ADGRL2: variants seen among roughly 807,000 people sequenced by gnomAD.
ADGRL2 encodes the protein calcium-independent alpha-latrotoxin receptor 2.
ADGRL2 carries 44 observed loss-of-function variants against 157.4 expected under a neutral mutation model. That is an observed-to-expected ratio of 0.28 (90% CI 0.22 to 0.36). The LOEUF is 0.36. ADGRL2 is among the 10% of genes least tolerant of loss of function. The pLI is 1.00. For synonymous variants in ADGRL2, 585 were observed against 624.7 expected (o/e 0.94, Z 0.95); for missense variants, 1,510 against 1,768.9 (o/e 0.85, Z 2.63).
intron 2 of ADGRL2, among the ~76,000 whole-genome samples, chr1:81,902,859 T>A (rs1295305761): frequency 1.3e-5 from 2 of 152,218 alleles, no homozygotes; most frequent in East Asian, 3.9e-4. Flanking sequence ...GAACTCTGCT[T>A]AGTTTGTCAC....
intron 19 of ADGRL2, among the ~76,000 whole-genome samples, chr1:81,982,870 A>G (rs766980638): frequency 2.0e-5 from 3 of 152,006 alleles, no homozygotes; most frequent in African/African-American, 2.4e-5. Flanking sequence ...TGGATAAAAT[A>G]CCATTTTGAT....
chr1:81,881,885 C>T (rs1174515567), intron 2 of ADGRL2, among the ~76,000 whole-genome samples: 5 of 152,138 alleles, frequency 3.3e-5, no homozygotes. Flanking sequence ...AAGTGGTGCT[C>T]AGTGAATACT....
At chr1:81,775,038 T>C (rs2086521593) in intron 2 of ADGRL2, among the ~76,000 whole-genome samples, 1 of 152,140 alleles carries the variant, frequency 6.6e-6, no homozygotes, top group Non-Finnish European at 1.5e-5. Flanking sequence ...TCTCTTGTAG[T>C]TGTTTTGTGG....
chr1:81,920,802 G>C (rs1025283069), intron 3 of ADGRL2, among the ~76,000 whole-genome samples: 2 of 147,116 alleles, frequency 1.4e-5, no homozygotes, highest in Non-Finnish European at 3.0e-5. Context: ...TCCAACCAAA[G>C]AAAAGTGCTA....
chr1:81,474,520 T>G (rs996937852), intron 2 of ADGRL2, among the ~76,000 whole-genome samples: 2 of 152,168 alleles, frequency 1.3e-5, no homozygotes, highest in African/African-American at 2.4e-5. Context: ...CCTGGACACT[T>G]GTGTTCAGAA....
At chr1:81,810,454 G>A (rs1156826313) in intron 1 of ADGRL2, among the ~76,000 whole-genome samples, 2 of 151,656 alleles carry the variant, frequency 1.3e-5, no homozygotes, top group Admixed American at 6.6e-5. Context: ...TGCATTAAAA[G>A]CCTACCATTT....
At chr1:81,970,581 T>C (rs1658428635) in intron 16 of ADGRL2, 47 bp downstream of exon 16, 1 of 1,443,302 alleles carries the variant, frequency 6.9e-7, no homozygotes, top group Admixed American at 1.7e-5. Context: ...GAATAATTTT[T>C]TAAAGCCTGT....
intron 2 of ADGRL2, among the ~76,000 whole-genome samples, chr1:81,503,797 G>T (rs2078908869): frequency 6.6e-6 from 1 of 152,126 alleles, no homozygotes; most frequent in Admixed American, 6.5e-5. Context: ...TCTGTCAGCC[G>T]ACACAGGGCT....
chr1:81,468,051 C>T (rs1262652569), intron 2 of ADGRL2, among the ~76,000 whole-genome samples: 1 of 151,988 alleles, frequency 6.6e-6, no homozygotes, highest in African/African-American at 2.4e-5. Flanking sequence ...TAGGGAAATT[C>T]TCAGTATTGA....
rs539312339 is a variant in ADGRL2 at position 81,920,502 on chromosome 1, AT to A, written c.287+13273del. 2.7e-3 allele frequency among the ~76,000 whole-genome samples: 418 copies of A among 152,138 alleles called. 1 individual carries two copies. The highest frequency in any genetic ancestry group is 9.9e-3 in the African/African-American group (410 of 41,508). On this transcript the variant is annotated intron_variant, in intron 3 of 23. Coordinates refer to ENST00000686636, the MANE Select transcript of ADGRL2 (RefSeq NM_001366006.2). ...ACAGGAACTGCCACGGGCTGAAGGG[AT>A]CTTAAACTCTTCTCCCCAGAGGCAG...
chr1:81,501,336 T>C (rs1024471146), intron 2 of ADGRL2, among the ~76,000 whole-genome samples: 2 of 152,184 alleles, frequency 1.3e-5, no homozygotes, highest in African/African-American at 2.4e-5. Context: ...AACTGATCGG[T>C]GTACTATTCT....
chr1:81,805,815 GT>G (rs961434231), intron 1 of ADGRL2, among the ~76,000 whole-genome samples: 1 of 151,214 alleles, frequency 6.6e-6, no homozygotes, highest in Non-Finnish European at 1.5e-5. Context: ...AATGCAGAGT[GT>G]TATAAAGAAA....
chr1:81,856,880 TAA>T (rs996202596), intron 2 of ADGRL2, among the ~76,000 whole-genome samples: 3 of 152,176 alleles, frequency 2.0e-5, no homozygotes, highest in Non-Finnish European at 4.4e-5. Flanking sequence ...CTTTGATCAT[TAA>T]ATAATAAACA....
chr1:81,494,952 G>GAACCATATTTGTGACACAGAT (rs1553170163), intron 2 of ADGRL2, among the ~76,000 whole-genome samples: 2 of 152,056 alleles, frequency 1.3e-5, no homozygotes, highest in Non-Finnish European at 2.9e-5. Flanking sequence ...AACACACAGA[G>GAACCATATTTGTGACACAGAT]AACCATATTT....
intron 1 of ADGRL2, among the ~76,000 whole-genome samples, chr1:81,821,273 A>G (rs771150142): frequency 6.6e-6 from 1 of 152,184 alleles, no homozygotes; most frequent in Non-Finnish European, 1.5e-5. Context: ...GTAACCATCT[A>G]GTTACTTAGC....
intron 3 of ADGRL2, among the ~76,000 whole-genome samples, chr1:81,693,192 G>A (rs754795740): frequency 9.2e-5 from 14 of 152,036 alleles, no homozygotes; most frequent in Non-Finnish European, 1.8e-4. Context: ...AAGAGCTCAC[G>A]CATTCCCATG....
Position 81,651,577 on chromosome 1 carries a change from A to G in ADGRL2, c.-143+70597A>G, listed in dbSNP as rs116100640. Among the ~76,000 whole-genome samples the G allele has an allele frequency of 5.8e-3, 889 of 152,278 alleles. 5 individuals carry two copies. Among genetic ancestry groups the G allele is most frequent in the African/African-American group, 0.02 (851 of 41,558 alleles). The stretch of plus-strand genomic sequence containing the variant: ...GAATAAAGAATGCCAAAACAATGCT[A>G]TTTTTCTCAGTAATTGTAGGGTTTC... On this transcript the variant is annotated intron_variant, in intron 3 of 24. Transcript: ENST00000370721.
intron 1 of ADGRL2, among the ~76,000 whole-genome samples, chr1:81,333,348 C>T (rs923048053): frequency 6.6e-6 from 1 of 152,114 alleles, no homozygotes; most frequent in Non-Finnish European, 1.5e-5. Context: ...AACCAGAGGA[C>T]ATAGCCCTTT....
intron 3 of ADGRL2, among the ~76,000 whole-genome samples, chr1:81,617,307 A>G (rs950506359): frequency 3.3e-5 from 5 of 152,198 alleles, no homozygotes; most frequent in Middle Eastern, 3.2e-3. Flanking sequence ...CTGAGGTGGA[A>G]CAATTTCATC....
Sources: allele counts gnomAD v4.1 joint callset (sites outside exome capture counted in the v4.1 genomes callset), GRCh38; gene constraint gnomAD v4.1.1; transcripts MANE v1.5; gene names NCBI Gene and HGNC (gene_info 2026-07-23, HGNC 2026-07-21).